The following GPS1 variants were observed in gnomAD, a reference collection of about 807,000 sequenced individuals.
The protein encoded by GPS1 is G protein pathway suppressor 1.
Under a neutral mutation model 60.0 loss-of-function variants are expected in GPS1, and 11 were observed. The observed-to-expected ratio is 0.18, with a 90% CI of 0.12 to 0.30. GPS1 has a LOEUF of 0.30. Among genes scored for constraint, GPS1 ranks in the 10% least tolerant of loss-of-function variants. GPS1 has a pLI of 1.00. For missense variants in GPS1, 543 were observed against 669.2 expected, an observed-to-expected ratio of 0.81 and a Z score of 2.08; for synonymous variants, 343 against 269.8, an observed-to-expected ratio of 1.27 and a Z score of -2.66.
In GPS1 at chr17:82,056,359, G is replaced by A. The variant is rs762433099; in HGVS notation, c.1003G>A (p.Ala335Thr). 6.2e-6 allele frequency: 10 copies of A among 1,613,134 alleles called. No individual in the cohort carries two copies. Among genetic ancestry groups the A allele is most frequent in the Non-Finnish European group, 7.6e-6 (9 of 1,179,884 alleles). ...IIFKFYESKYASCLKMLDEMK... is the reference protein window; with the variant it reads ...IIFKFYESKYTSCLKMLDEMK... The stretch of plus-strand genomic sequence containing the variant: ...CTTCAAATTCTACGAGTCCAAGTAC[G>A]CCTCATGTCTCAAGATGCTGGACGA... Residue 335 changes from alanine (A) to threonine (T), a missense_variant, in exon 9 of 13, where the codon GCC (alanine) becomes ACC (threonine). Transcript: ENST00000578552.
At chr17:82,056,810 C>T (rs780533202) in intron 11 of GPS1, 30 bp from the exon 12 acceptor site, 10 of 1,609,416 alleles carry the variant, frequency 6.2e-6, no homozygotes, top group Non-Finnish European at 2.5e-6. Context: ...GGGGGTGAGC[C>T]TGGGCCCCGC....
chr17:82,057,128 G>A lies in GPS1; in HGVS notation c.*1G>A, dbSNP rs1403609218. 1 of 1,569,018 alleles carries A rather than the reference G, an allele frequency of 6.4e-7. No homozygotes were observed. The highest frequency in any genetic ancestry group is 1.2e-5 in the South Asian group (1 of 83,764). On this transcript the variant is annotated 3_prime_UTR_variant, in exon 13 of 13. Coordinates refer to ENST00000578552, the MANE Select transcript of GPS1 (RefSeq NM_001321092.3). Reference sequence around the variant, plus strand: ...GTCCCGGATGAGCACCAACATGTGAGGGGTGAACCTTGGCCTCCAGGACAT... The same window carrying A: ...GTCCCGGATGAGCACCAACATGTGAAGGGTGAACCTTGGCCTCCAGGACAT...
intron 7 of GPS1, 40 bp downstream of exon 7, chr17:82,055,865 C>G (rs1459434476): frequency 4.6e-6 from 7 of 1,516,226 alleles, no homozygotes; most frequent in Non-Finnish European, 6.3e-6. Flanking sequence ...AGAGCATGGG[C>G]TCATGGGTCA....
At chr17:82,052,240 C>G in intron 1 of GPS1, 1 of 1,600,620 alleles carries the variant, frequency 6.2e-7, no homozygotes, top group Non-Finnish European at 8.5e-7. Flanking sequence ...GACGCTAACG[C>G]TCTTTCTCCC....
chr17:82,050,977 T>G (rs2030454573), upstream of GPS1: 1 of 1,427,562 alleles, frequency 7.0e-7, no homozygotes, highest in African/African-American at 1.4e-5. Flanking sequence ...TGGGATCTCT[T>G]GAGTGGAAAC....
In GPS1 at chr17:82,053,856, G is replaced by A. The variant is rs374792561; in HGVS notation, c.127-12G>A. The A allele has an allele frequency of 9.4e-6, 15 of 1,600,940 alleles. No homozygotes were observed. The African/African-American group carries it at 1.9e-4, about 20-fold the overall frequency. On this transcript the variant is annotated splice_polypyrimidine_tract_variant and intron_variant, in intron 2 of 12. Coordinates refer to ENST00000578552, the MANE Select transcript of GPS1 (RefSeq NM_001321092.3). ...CCCATCCTGCCTGACTCTTGTCTGT[G>A]CCTGCTCCCAGGATCTGGAACAGTA...
At position 82,057,279 on chromosome 17, in the gene GPS1, G is replaced by T. The variant is rs78625180; in HGVS notation, c.*152G>T. 1.5e-3 allele frequency: 1,500 copies of T among 991,024 alleles called. 4 individuals are homozygous for T. The highest frequency in any genetic ancestry group is 3.7e-3 in the Middle Eastern group (18 of 4,890). The allele number at this position is 991,024 out of a possible 1,614,324, so 61.4% of individuals were successfully genotyped here. ...GTGTGCCCTCCCTGGGGCTGAGGAG[G>T]CAGGCGGCTGCTAGTTGTGGCCCTT... On this transcript the variant is annotated 3_prime_UTR_variant, in exon 13 of 13. Transcript: ENST00000578552.
chr17:82,055,379 A>C, intron 6 of GPS1, 157 bp downstream of exon 6: 1 of 772,628 alleles, frequency 1.3e-6, no homozygotes, highest in Non-Finnish European at 2.2e-6. Context: ...GTGGTGCCTA[A>C]AGTCTGCCCC....
At chr17:82,056,995 G>A (rs542064752) in intron 12 of GPS1, 21 bp downstream of exon 12, 65 of 1,612,370 alleles carry the variant, frequency 4.0e-5, no homozygotes, top group Admixed American at 2.0e-4. Context: ...TTGAGGGGGG[G>A]CAGGCGCACG....
chr17:82,053,670 T>A, intron 2 of GPS1, 198 bp from the exon 3 acceptor site: 1 of 600,082 alleles, frequency 1.7e-6, no homozygotes, highest in South Asian at 2.2e-5. Flanking sequence ...CTCCTGAGGC[T>A]CCTGCGCCAG....
chr17:82,055,872 G>C, intron 7 of GPS1, 47 bp downstream of exon 7: 3 of 1,504,660 alleles, frequency 2.0e-6, no homozygotes, highest in Non-Finnish European at 2.7e-6. Context: ...GGGCTCATGG[G>C]TCAGGCTGCT....
chr17:82,052,241 T>C (rs764782776), intron 1 of GPS1: 49 of 1,598,162 alleles, frequency 3.1e-5, no homozygotes, highest in Admixed American at 2.0e-4. Flanking sequence ...ACGCTAACGC[T>C]CTTTCTCCCT....
chr17:82,051,662 C>T (rs1236450830), upstream of GPS1: 36 of 1,001,184 alleles, frequency 3.6e-5, no homozygotes, highest in Non-Finnish European at 2.6e-5. The surrounding 1 kb of genome is among the most constrained non-coding windows in gnomAD (Gnocchi z 4.1). Flanking sequence ...GGGTCCGGGC[C>T]GGGGCGGGCG....
intron 1 of GPS1, 169 bp from the exon 2 acceptor site, chr17:82,053,105 G>A (rs1054130478): frequency 4.6e-5 from 21 of 451,950 alleles, no homozygotes; most frequent in East Asian, 1.4e-4. Context: ...AGCCTGGGTG[G>A]GGGCGGGGGT....
rs765894104 is a variant in GPS1 at position 82,053,885 on chromosome 17, G to A, written c.144G>A (p.Ala48=). 1.1e-5 allele frequency: 17 copies of A among 1,610,988 alleles called. No individual in the cohort carries two copies. The highest frequency in any genetic ancestry group is 7.7e-5 in the South Asian group (7 of 91,004). ...ENPSLDLEQY[A]ASYSGLMRIE... ...GCTCCCAGGATCTGGAACAGTACGC[G>A]GCCAGCTACAGCGGCCTGATGCGCA... Residue 48 remains alanine, a synonymous_variant, in exon 3 of 13, where the codon GCG becomes GCA. Coordinates refer to ENST00000578552, the MANE Select transcript of GPS1 (RefSeq NM_001321092.3).
At chr17:82,051,089 A>G, upstream of GPS1, 3 of 1,367,254 alleles carry the variant, frequency 2.2e-6, no homozygotes, top group Non-Finnish European at 1.9e-6. The surrounding 1 kb of genome is among the most constrained non-coding windows in gnomAD (Gnocchi z 4.1). Flanking sequence ...GGAAGCGGCT[A>G]GTGTGAGAGG....
chr17:82,052,060 G>A (rs1456250698), intron 1 of GPS1, 96 bp downstream of exon 1: 3 of 975,542 alleles, frequency 3.1e-6, no homozygotes, highest in East Asian at 1.1e-4. Flanking sequence ...CCTGCGCCAG[G>A]AGTCGGTCGG....
intron 6 of GPS1, 25 bp downstream of exon 6, chr17:82,055,247 T>C (rs2032278780): frequency 6.4e-7 from 1 of 1,550,428 alleles, no homozygotes; most frequent in East Asian, 2.4e-5. Flanking sequence ...CACGCCCAGC[T>C]GACCCCACGT....
chr17:82,053,808 G>A, intron 2 of GPS1, 60 bp from the exon 3 acceptor site: 1 of 1,525,184 alleles, frequency 6.6e-7, no homozygotes, highest in Non-Finnish European at 8.9e-7. Context: ...TGACCCTCAG[G>A]GCCTGGGGCC....
Sources: allele counts gnomAD v4.1 joint callset, GRCh38; gene constraint gnomAD v4.1.1; non-coding constraint Gnocchi (gnomAD v3.1); transcripts MANE v1.5; gene names NCBI Gene and HGNC (gene_info 2026-07-23, HGNC 2026-07-21).